Variants in ADGRB3 observed in about 807,000 individuals in gnomAD.
The protein encoded by ADGRB3 is brain-specific angiogenesis inhibitor 3.
Under a neutral mutation model 193.4 loss-of-function variants are expected in ADGRB3, and 37 were observed. The observed-to-expected ratio is 0.19, with a 90% CI of 0.15 to 0.25. The LOEUF (loss-of-function observed/expected upper bound fraction) is 0.25, where lower values mean the gene tolerates loss of function less well. Among genes scored for constraint, ADGRB3 ranks in the 10% least tolerant of loss-of-function variants. The pLI, the probability that ADGRB3 is intolerant of heterozygous loss-of-function variation, is 1.00. For synonymous variants in ADGRB3, 690 were observed against 644.2 expected (o/e 1.07, Z -1.08); for missense variants, 1,637 against 1,852.9 (o/e 0.88, Z 2.14).
chr6:68,736,200 A>G (rs1409811866), intron 3 of ADGRB3, among the ~76,000 whole-genome samples: 1 of 151,458 alleles, frequency 6.6e-6, no homozygotes, highest in Non-Finnish European at 1.5e-5. Context: ...AAAAAAATTT[A>G]TAGAGATAGG....
At chr6:68,845,658 C>T (rs2127388915) in intron 3 of ADGRB3, among the ~76,000 whole-genome samples, 1 of 152,274 alleles carries the variant, frequency 6.6e-6, no homozygotes, top group East Asian at 1.9e-4. Context: ...GCTTTTGCTT[C>T]TTCCTCATCC....
At chr6:69,003,570 T>C (rs76718912) in intron 11 of ADGRB3, among the ~76,000 whole-genome samples, 2,668 of 152,232 alleles carry the variant, frequency 0.018, 70 homozygotes, top group African/African-American at 0.06. Flanking sequence ...CCAAGTCATC[T>C]AAATGGCTGC....
At chr6:68,865,835 C>T (rs141349095) in intron 3 of ADGRB3, among the ~76,000 whole-genome samples, 2 of 152,220 alleles carry the variant, frequency 1.3e-5, no homozygotes, top group African/African-American at 4.8e-5. Context: ...AAACTATTAC[C>T]CAAGCAGATA....
intron 20 of ADGRB3, among the ~76,000 whole-genome samples, chr6:69,321,139 T>C (rs895630183): frequency 3.3e-5 from 5 of 151,786 alleles, no homozygotes; most frequent in Admixed American, 6.6e-5. Context: ...CTCTAGTCCA[T>C]CACAGTTAAC....
intron 20 of ADGRB3, among the ~76,000 whole-genome samples, chr6:69,255,215 A>T (rs1766731511): frequency 6.6e-6 from 1 of 152,190 alleles, no homozygotes. Flanking sequence ...TCCTTTGGGT[A>T]TATACCCAGT....
At chr6:69,036,710 T>G (rs976342328) in intron 13 of ADGRB3, among the ~76,000 whole-genome samples, 3 of 152,082 alleles carry the variant, frequency 2.0e-5, no homozygotes, top group Middle Eastern at 3.2e-3. Context: ...AAGAATGTTC[T>G]AGTTAGAAAG....
At position 69,181,765 on chromosome 6, in the gene ADGRB3, C is replaced by A. The variant is rs932669270; in HGVS notation, c.2481-51525C>A. On this transcript the variant is annotated intron_variant, in intron 17 of 31. Transcript: ENST00000370598. ...GCTTTTATGTAGCCATAAATATATT[C>A]TCCTTTCTTTGAAAGTTCATAGTAC... Among the ~76,000 whole-genome samples the A allele has an allele frequency of 2.6e-5, 4 of 152,154 alleles. No homozygotes were observed. In the South Asian group the frequency reaches 6.2e-4, roughly 24 times the overall value.
At chr6:69,077,292 T>C (rs1018027477) in intron 17 of ADGRB3, among the ~76,000 whole-genome samples, 2 of 151,992 alleles carry the variant, frequency 1.3e-5, no homozygotes, top group African/African-American at 4.8e-5. Context: ...TAATCTAAGC[T>C]GCACTTAATA....
chr6:69,251,456 G>A (rs1444149704), intron 20 of ADGRB3, among the ~76,000 whole-genome samples: 1 of 151,902 alleles, frequency 6.6e-6, no homozygotes, highest in African/African-American at 2.4e-5. Flanking sequence ...GATTTGCACT[G>A]TATAACCAGT....
chr6:69,335,775 T>C (rs76298256), intron 24 of ADGRB3, among the ~76,000 whole-genome samples: 378 of 152,182 alleles, frequency 2.5e-3, no homozygotes, highest in Non-Finnish European at 4.2e-3. Flanking sequence ...TCAGCTTATT[T>C]GAATATACAC....
chr6:69,342,372 ATACC>A (rs1768992581), intron 26 of ADGRB3, among the ~76,000 whole-genome samples: 2 of 152,150 alleles, frequency 1.3e-5, no homozygotes, highest in Non-Finnish European at 2.9e-5. Flanking sequence ...AACCTTAAAA[ATACC>A]CTATAACATT....
chr6:68,720,088 C>T (rs141293344), intron 3 of ADGRB3, among the ~76,000 whole-genome samples: 117 of 151,810 alleles, frequency 7.7e-4, no homozygotes, highest in African/African-American at 2.0e-3. Flanking sequence ...ATCCTACAGC[C>T]GTGGAAAGTG....
intron 17 of ADGRB3, chr6:69,232,650 C>G: frequency 6.5e-7 from 1 of 1,531,112 alleles, no homozygotes; most frequent in Non-Finnish European, 8.7e-7. Context: ...CACCCCTCCC[C>G]TGGATACCAG....
At chr6:69,241,093 G>T (rs915984686) in intron 20 of ADGRB3, among the ~76,000 whole-genome samples, 2 of 151,852 alleles carry the variant, frequency 1.3e-5, no homozygotes, top group African/African-American at 4.8e-5. Context: ...GTTTCATGCT[G>T]CTTGGCAAAG....
At chr6:69,022,220 A>T (rs1019767328) in intron 13 of ADGRB3, among the ~76,000 whole-genome samples, 19 of 151,614 alleles carry the variant, frequency 1.3e-4, no homozygotes, top group South Asian at 4.2e-4. Flanking sequence ...GCCTCTTTTT[A>T]AAAAAAATTA....
At chr6:69,092,770 A>G (rs1324026058) in intron 17 of ADGRB3, among the ~76,000 whole-genome samples, 3 of 152,148 alleles carry the variant, frequency 2.0e-5, no homozygotes, top group Non-Finnish European at 4.4e-5. Flanking sequence ...TGATACCTGA[A>G]TTGGTTTGTG....
At chr6:69,193,335 T>TAAAACA (rs1375075107) in intron 17 of ADGRB3, among the ~76,000 whole-genome samples, 1 of 152,144 alleles carries the variant, frequency 6.6e-6, no homozygotes, top group East Asian at 1.9e-4. Flanking sequence ...AAATGATAAC[T>TAAAACA]AAAACAAAAA....
intron 3 of ADGRB3, among the ~76,000 whole-genome samples, chr6:68,780,375 G>A (rs1272316206): frequency 6.6e-6 from 1 of 152,002 alleles, no homozygotes; most frequent in Non-Finnish European, 1.5e-5. Context: ...GTCTTTGTAT[G>A]TTCATCAGAG....
intron 3 of ADGRB3, among the ~76,000 whole-genome samples, chr6:68,680,358 G>A (rs146583272): frequency 1.4e-4 from 21 of 152,170 alleles, no homozygotes; most frequent in African/African-American, 2.4e-4. Context: ...AAATAGATCC[G>A]TACAAAGTAA....
Sources: allele counts gnomAD v4.1 joint callset (sites outside exome capture counted in the v4.1 genomes callset), GRCh38; gene constraint gnomAD v4.1.1; transcripts MANE v1.5; gene names NCBI Gene and HGNC (gene_info 2026-07-23, HGNC 2026-07-21).